The following MRTFB variants were observed in gnomAD, a reference collection of about 807,000 sequenced individuals.
The protein encoded by MRTFB is myocardin related transcription factor B, also known as myocardin-related transcription factor B.
Under a neutral mutation model 104.2 loss-of-function variants are expected in MRTFB, and 29 were observed. The ratio of observed to expected loss-of-function variants is 0.28; its 90% CI spans 0.21 to 0.38. MRTFB has a LOEUF of 0.38. MRTFB is among the 10% of genes least tolerant of loss of function. MRTFB has a pLI of 1.00. For synonymous variants in MRTFB, 535 were observed against 519.5 expected (o/e 1.03, Z -0.41); for missense variants, 1,270 against 1,341.6 (o/e 0.95, Z 0.83).
intron 2 of MRTFB, among the ~76,000 whole-genome samples, chr16:14,131,790 GA>G (rs1331128453): frequency 7.0e-6 from 1 of 143,306 alleles, no homozygotes; most frequent in Non-Finnish European, 1.5e-5. Context: ...AAAAAAAAAA[GA>G]GAGAATGTGG....
intron 8 of MRTFB, among the ~76,000 whole-genome samples, chr16:14,229,125 A>C (rs2042145630): frequency 6.6e-6 from 1 of 152,200 alleles, no homozygotes; most frequent in African/African-American, 2.4e-5. Context: ...ATACGTGCAG[A>C]TCCTCACTAC....
the MRTFB span, among the ~76,000 whole-genome samples, chr16:14,025,048 G>A: frequency 1.3e-5 from 2 of 152,280 alleles, no homozygotes; most frequent in South Asian, 2.1e-4. Context: ...AACAGTTCAT[G>A]TCTTAATGTG....
intron 2 of MRTFB, among the ~76,000 whole-genome samples, chr16:14,128,771 A>G (rs1306175317): frequency 6.6e-6 from 1 of 152,232 alleles, no homozygotes; most frequent in African/African-American, 2.4e-5. Flanking sequence ...ATTAAAAACC[A>G]TATCGCAATA....
At chr16:14,157,786 C>T (rs984479304) in intron 3 of MRTFB, among the ~76,000 whole-genome samples, 2 of 152,064 alleles carry the variant, frequency 1.3e-5, no homozygotes, top group African/African-American at 4.8e-5. Flanking sequence ...CAGATAGAAG[C>T]CAAATAAATG....
chr16:14,259,830 G>A (rs181532266), intron 16 of MRTFB, among the ~76,000 whole-genome samples: 3 of 152,322 alleles, frequency 2.0e-5, no homozygotes, highest in Admixed American at 6.5e-5. Flanking sequence ...CAGTTTTAGA[G>A]ATGACTACTG....
At chr16:14,247,675 ACT>A in intron 12 of MRTFB, 168 bp downstream of exon 12, 1 of 639,770 alleles carries the variant, frequency 1.6e-6, no homozygotes, top group Non-Finnish European at 2.7e-6. Context: ...AATATCTAGC[ACT>A]GTTTTTATAT....
intron 3 of MRTFB, chr16:14,140,994 T>G (rs561037748): frequency 1.8e-4 from 82 of 444,516 alleles, no homozygotes; most frequent in African/African-American, 1.3e-3. Flanking sequence ...TTGGAAATAA[T>G]CTTTAGATTC....
chr16:14,146,467 A>G (rs575355966), intron 3 of MRTFB, among the ~76,000 whole-genome samples: 99 of 152,364 alleles, frequency 6.5e-4, no homozygotes, highest in Non-Finnish European at 1.3e-3. Flanking sequence ...ATAACTTTAG[A>G]TAATCTCTTT....
At chr16:14,097,871 A>T (rs2035478233) in intron 2 of MRTFB, among the ~76,000 whole-genome samples, 2 of 152,172 alleles carry the variant, frequency 1.3e-5, no homozygotes, top group South Asian at 4.1e-4. Context: ...CAGTCAGCCT[A>T]ATTATTTTGA....
intron 16 of MRTFB, among the ~76,000 whole-genome samples, chr16:14,259,289 A>G (rs1485411917): frequency 6.6e-6 from 1 of 150,796 alleles, no homozygotes; most frequent in Non-Finnish European, 1.5e-5. Flanking sequence ...TACAAAAATT[A>G]GCAAAAATTA....
At chr16:14,185,676 G>GAA (rs549782681) in intron 3 of MRTFB, among the ~76,000 whole-genome samples, 6 of 135,340 alleles carry the variant, frequency 4.4e-5, no homozygotes, top group African/African-American at 1.1e-4. Context: ...AAGTTATTTT[G>GAA]AAAAAAAAAA....
chr16:14,054,439 A>G, the MRTFB span, among the ~76,000 whole-genome samples: 1 of 152,000 alleles, frequency 6.6e-6, no homozygotes, highest in Non-Finnish European at 1.5e-5. Context: ...CTGGTCTCCA[A>G]TTCCTGACCT....
the MRTFB span, among the ~76,000 whole-genome samples, chr16:14,045,828 T>C: frequency 7.2e-5 from 11 of 152,208 alleles, no homozygotes; most frequent in South Asian, 2.1e-4. Context: ...GCCTGTGCCC[T>C]CTGGTGCCAC....
At chr16:14,162,635 A>G (rs1166176084) in intron 3 of MRTFB, among the ~76,000 whole-genome samples, 1 of 152,230 alleles carries the variant, frequency 6.6e-6, no homozygotes, top group East Asian at 1.9e-4. Flanking sequence ...ACTAAAGAGT[A>G]TATACTATAT....
chr16:14,036,495 T>C, the MRTFB span, among the ~76,000 whole-genome samples: 1 of 148,486 alleles, frequency 6.7e-6, no homozygotes, highest in African/African-American at 2.5e-5. Flanking sequence ...ATCATATATA[T>C]GTTGAAATAT....
At chr16:14,126,341 A>G (rs996998077) in intron 2 of MRTFB, among the ~76,000 whole-genome samples, 2 of 152,178 alleles carry the variant, frequency 1.3e-5, no homozygotes, top group East Asian at 3.8e-4. Context: ...TTACTTTAAG[A>G]GCTAACCTGT....
At chr16:14,158,974 A>T (rs902215407) in intron 3 of MRTFB, among the ~76,000 whole-genome samples, 3 of 109,776 alleles carry the variant, frequency 2.7e-5, no homozygotes, top group African/African-American at 1.2e-4. Flanking sequence ...CATAAAGATT[A>T]AAAAAAAAAA....
intron 3 of MRTFB, among the ~76,000 whole-genome samples, chr16:14,150,246 G>T (rs1486733173): frequency 2.6e-5 from 4 of 152,138 alleles, no homozygotes; most frequent in African/African-American, 9.7e-5. Flanking sequence ...TTGCTCTGAG[G>T]GTTAGATCAA....
chr16:14,118,520 C>T (rs117893443), intron 2 of MRTFB, among the ~76,000 whole-genome samples: 2,798 of 151,602 alleles, frequency 0.018, 39 homozygotes, highest in Non-Finnish European at 0.033. Context: ...GATGGGGAGG[C>T]CTGGCGTGGT....
Sources: gnomAD v4.1 joint callset for allele counts (sites outside exome capture counted in the v4.1 genomes callset) on GRCh38, gnomAD v4.1.1 for gene constraint, MANE v1.5 for transcripts, NCBI Gene and HGNC (gene_info 2026-07-23, HGNC 2026-07-21) for gene names.